FTO: variants seen among roughly 807,000 people sequenced by gnomAD.
FTO encodes alpha-ketoglutarate-dependent dioxygenase FTO.
FTO carries 47 observed loss-of-function variants against 63.9 expected under a neutral mutation model. The ratio of observed to expected loss-of-function variants is 0.74; its 90% CI spans 0.58 to 0.94. The LOEUF (loss-of-function observed/expected upper bound fraction) is 0.94. FTO is among the 40% of genes least tolerant of loss of function. The probability of loss-of-function intolerance (pLI) is 0.00; values close to 1 mark genes in which losing one functional copy is unlikely to be tolerated. For synonymous variants in FTO, 207 were observed against 224.4 expected (o/e 0.92, Z 0.69); for missense variants, 562 against 618.1 (o/e 0.91, Z 0.96).
At chr16:53,874,912 A>G (rs1275254127) in intron 5 of FTO, among the ~76,000 whole-genome samples, 2 of 152,190 alleles carry the variant, frequency 1.3e-5, no homozygotes, top group Admixed American at 6.6e-5. Context: ...TGGGAGATAG[A>G]GCCGTCAACA....
At chr16:54,002,539 G>C (rs560216387) in intron 8 of FTO, among the ~76,000 whole-genome samples, 1 of 152,342 alleles carries the variant, frequency 6.6e-6, no homozygotes, top group East Asian at 1.9e-4. Context: ...AGAAACCTGT[G>C]AGGAAAGCAG....
chr16:53,983,687 G>C (rs1260013325), intron 8 of FTO, among the ~76,000 whole-genome samples: 1 of 152,098 alleles, frequency 6.6e-6, no homozygotes, highest in Non-Finnish European at 1.5e-5. Context: ...GTGAAGCAGG[G>C]GTTGGTGTAA....
intron 1 of FTO, among the ~76,000 whole-genome samples, chr16:53,793,320 C>G (rs1180437783): frequency 6.6e-6 from 1 of 152,150 alleles, no homozygotes; most frequent in Non-Finnish European, 1.5e-5. Flanking sequence ...AGGACACCTT[C>G]TTTTCCCTTT....
At chr16:53,977,434 A>T (rs1200158916) in intron 8 of FTO, among the ~76,000 whole-genome samples, 1 of 152,120 alleles carries the variant, frequency 6.6e-6, no homozygotes, top group African/African-American at 2.4e-5. Flanking sequence ...GTATTTTCTG[A>T]TGCTCTCTGA....
intron 1 of FTO, among the ~76,000 whole-genome samples, chr16:53,761,589 A>G (rs1178692364): frequency 6.6e-6 from 1 of 152,214 alleles, no homozygotes; most frequent in Non-Finnish European, 1.5e-5. Context: ...TATGGAGAAA[A>G]TAATTTCCTC....
chr16:53,991,477 C>A (rs910264134), intron 8 of FTO: 2 of 152,114 alleles, frequency 1.3e-5, no homozygotes, highest in Admixed American at 6.5e-5. Flanking sequence ...CTGTGTTACA[C>A]GAGGGTGAAG....
intron 6 of FTO, among the ~76,000 whole-genome samples, chr16:53,886,743 T>C (rs2081007594): frequency 6.6e-6 from 1 of 152,362 alleles, no homozygotes; most frequent in South Asian, 2.1e-4. Flanking sequence ...GGTTACTTAT[T>C]TGAGCCATTT....
At chr16:53,896,984 A>G (rs1191532365) in intron 7 of FTO, among the ~76,000 whole-genome samples, 3 of 152,186 alleles carry the variant, frequency 2.0e-5, no homozygotes, top group African/African-American at 7.2e-5. Flanking sequence ...AGCCCCGGGA[A>G]CACATTAAGT....
At chr16:53,741,257 TCTG>T (rs1490453112) in intron 1 of FTO, among the ~76,000 whole-genome samples, 1 of 152,214 alleles carries the variant, frequency 6.6e-6, no homozygotes, top group Admixed American at 6.5e-5. Context: ...AGAAAAAAAA[TCTG>T]CTGACCCTTG....
chr16:53,989,604 G>C (rs9933107), intron 8 of FTO, among the ~76,000 whole-genome samples: 1 of 151,942 alleles, frequency 6.6e-6, no homozygotes, highest in Non-Finnish European at 1.5e-5. Flanking sequence ...CTTACTGGTA[G>C]AGTTACTTTC....
chr16:53,885,141 G>A (rs970048889), intron 6 of FTO, among the ~76,000 whole-genome samples: 1 of 152,158 alleles, frequency 6.6e-6, no homozygotes, highest in Non-Finnish European at 1.5e-5. Flanking sequence ...ACTGTATTTT[G>A]CGTTCTGACT....
At chr16:54,076,695 TTAAA>T (rs1462354890) in intron 8 of FTO, among the ~76,000 whole-genome samples, 1 of 152,174 alleles carries the variant, frequency 6.6e-6, no homozygotes, top group Non-Finnish European at 1.5e-5. Context: ...TTTTAGGGAC[TTAAA>T]TAAACAGGAT....
chr16:53,965,895 T>C (rs1386999271), intron 8 of FTO: 1 of 149,276 alleles, frequency 6.7e-6, no homozygotes, highest in Non-Finnish European at 1.5e-5. Context: ...TGAGTTAGAG[T>C]CTTCCTCTGT....
intron 8 of FTO, among the ~76,000 whole-genome samples, chr16:54,022,496 A>G (rs916750466): frequency 1.2e-4 from 18 of 152,212 alleles, no homozygotes; most frequent in Admixed American, 3.3e-4. Flanking sequence ...CAGTGAGGGT[A>G]TAATAAACCT....
chr16:53,973,938 C>T (rs184311195), intron 8 of FTO, among the ~76,000 whole-genome samples: 11 of 152,186 alleles, frequency 7.2e-5, no homozygotes, highest in Non-Finnish European at 1.2e-4. Flanking sequence ...TTAAAAGGGG[C>T]GAATGATAAG....
intron 4 of FTO, among the ~76,000 whole-genome samples, chr16:53,846,826 A>C (rs1183506245): frequency 6.6e-6 from 1 of 151,256 alleles, no homozygotes; most frequent in Non-Finnish European, 1.5e-5. Context: ...AAAAAAAGTA[A>C]ATAAGTACTC....
rs183768394 is a variant in FTO at position 53,978,012 on chromosome 16, A to G, written c.1364+43903A>G. Among the ~76,000 whole-genome samples the G allele has an allele frequency of 8.8e-3, 1,337 of 152,238 alleles. 16 individuals are homozygous for G. Among genetic ancestry groups the G allele is most frequent in the African/African-American group, 0.029 (1,215 of 41,534 alleles). On this transcript the variant is annotated intron_variant, in intron 8 of 8. Coordinates refer to ENST00000471389, the MANE Select transcript of FTO (RefSeq NM_001080432.3). ...GCAAGTACTACAGGCATGCACCACT[A>G]TGACTGGCTAATTTTTAAAAAAATT...
chr16:53,759,191 A>G (rs1402790180), intron 1 of FTO, among the ~76,000 whole-genome samples: 1 of 152,232 alleles, frequency 6.6e-6, no homozygotes, highest in African/African-American at 2.4e-5. Flanking sequence ...GAGCTTGCAA[A>G]TTGAAAATAT....
At chr16:54,025,421 G>C (rs1165241126) in intron 8 of FTO, among the ~76,000 whole-genome samples, 1 of 152,188 alleles carries the variant, frequency 6.6e-6, no homozygotes, top group Non-Finnish European at 1.5e-5. Flanking sequence ...TTATCCTAGA[G>C]ATAAATGTTA....
Sources: gnomAD v4.1 joint callset for allele counts (sites outside exome capture counted in the v4.1 genomes callset) on GRCh38, gnomAD v4.1.1 for gene constraint, MANE v1.5 for transcripts, NCBI Gene and HGNC (gene_info 2026-07-23, HGNC 2026-07-21) for gene names.